The following C1GALT1 variants were observed in gnomAD, a reference collection of about 807,000 sequenced individuals.
The protein encoded by C1GALT1 is glycoprotein-N-acetylgalactosamine 3-beta-galactosyltransferase 1.
Under a neutral mutation model 31.0 loss-of-function variants are expected in C1GALT1, and 11 were observed. The observed-to-expected ratio is 0.36, with a 90% CI of 0.22 to 0.59. The LOEUF (loss-of-function observed/expected upper bound fraction) is 0.59, where lower values mean the gene tolerates loss of function less well. Among genes scored for constraint, C1GALT1 ranks in the 20% least tolerant of loss-of-function variants. C1GALT1 has a pLI of 0.79. For synonymous variants in C1GALT1, 175 were observed against 143.6 expected (o/e 1.22, Z -1.56); for missense variants, 424 against 425.2 (o/e 1.00, Z 0.03).
At position 7,212,472 on chromosome 7, in the gene C1GALT1, A is replaced by G. The variant is rs532058172; in HGVS notation, c.-17-21831A>G. ...AACAACTATATTGCCATAAGTTAAG[A>G]GTAATTACAGTTAGTCTCCAAATTA... On this transcript the variant is annotated intron_variant, in intron 1 of 3. Transcript: ENST00000436587. 4.6e-5 allele frequency among the ~76,000 whole-genome samples: 7 copies of G among 152,318 alleles called. No homozygotes were observed. The South Asian group carries it at 1.4e-3, about 32-fold the overall frequency.
At chr7:7,224,766 C>A (rs1195302756) in intron 1 of C1GALT1, among the ~76,000 whole-genome samples, 1 of 152,092 alleles carries the variant, frequency 6.6e-6, no homozygotes, top group Non-Finnish European at 1.5e-5. Context: ...AAAGAACCAG[C>A]TCTTTTTTTT....
intron 1 of C1GALT1, among the ~76,000 whole-genome samples, chr7:7,201,608 A>G (rs537690317): frequency 6.6e-6 from 1 of 152,282 alleles, no homozygotes; most frequent in African/African-American, 2.4e-5. Flanking sequence ...AGCGGGGGAA[A>G]GCCGGCAGTA....
chr7:7,199,228 T>A (rs944882786), intron 1 of C1GALT1, among the ~76,000 whole-genome samples: 2 of 152,224 alleles, frequency 1.3e-5, no homozygotes, highest in African/African-American at 4.8e-5. Context: ...GAGATTCTGG[T>A]ATGTTGTGTC....
chr7:7,226,233 A>C (rs1325872871), intron 1 of C1GALT1, among the ~76,000 whole-genome samples: 4 of 116,376 alleles, frequency 3.4e-5, no homozygotes, highest in Admixed American at 8.2e-5. Flanking sequence ...ATGTATCAAA[A>C]ATTATTTTAA....
intron 1 of C1GALT1, among the ~76,000 whole-genome samples, chr7:7,214,722 C>G (rs1465502065): frequency 6.6e-6 from 1 of 152,222 alleles, no homozygotes; most frequent in Non-Finnish European, 1.5e-5. Context: ...AGCCCCCAAG[C>G]TGTCCTTGCC....
chr7:7,165,822 T>A (rs1780386176), intron 2 of C1GALT1, among the ~76,000 whole-genome samples: 1 of 152,134 alleles, frequency 6.6e-6, no homozygotes, highest in African/African-American at 2.4e-5. Context: ...CCACACCTAA[T>A]GTTATGTGAT....
At chr7:7,189,502 T>A (rs1193266905) in intron 1 of C1GALT1, among the ~76,000 whole-genome samples, 1 of 146,990 alleles carries the variant, frequency 6.8e-6, no homozygotes, top group African/African-American at 2.5e-5. Flanking sequence ...TGATTTACCT[T>A]TGTGAGTGAA....
At chr7:7,214,389 G>A (rs55917630) in intron 1 of C1GALT1, among the ~76,000 whole-genome samples, 20,901 of 152,068 alleles carry the variant, frequency 0.14, 1,637 homozygotes, top group East Asian at 0.37. Context: ...TAATTCAGTC[G>A]ACTGAGGAGA....
chr7:7,236,804 C>CT (rs1194712296), intron 2 of C1GALT1, among the ~76,000 whole-genome samples: 11 of 152,172 alleles, frequency 7.2e-5, no homozygotes, highest in African/African-American at 2.6e-4. Context: ...GATTACAGGC[C>CT]TGAGCCACTG....
intron 2 of C1GALT1, among the ~76,000 whole-genome samples, chr7:7,158,290 ACT>A (rs2128226080): frequency 6.6e-6 from 1 of 152,114 alleles, no homozygotes; most frequent in South Asian, 2.1e-4. Context: ...TCTATACCTG[ACT>A]CTGTTCTGTC....
intron 1 of C1GALT1, among the ~76,000 whole-genome samples, chr7:7,194,552 T>TA (rs1268938350): frequency 1.3e-5 from 2 of 152,334 alleles, no homozygotes; most frequent in East Asian, 3.9e-4. Context: ...ATCTTTCTGA[T>TA]ATGCTGTTGG....
At chr7:7,219,129 C>A (rs908007029) in intron 1 of C1GALT1, among the ~76,000 whole-genome samples, 1 of 152,156 alleles carries the variant, frequency 6.6e-6, no homozygotes, top group African/African-American at 2.4e-5. Context: ...TGAGCCACTG[C>A]GCCTGGCATG....
rs1398551157 is a variant in C1GALT1, at chr7:7,227,274, T to A, written c.-17-7029T>A. ...ATATTTGTCCCCTCTAAAACTCATG[T>A]TGAAATTTAATTCCCAGTTTGGCAA... is the stretch of plus-strand genomic sequence containing the variant. On this transcript the variant is annotated intron_variant, in intron 1 of 3. Coordinates refer to ENST00000436587, the MANE Select transcript of C1GALT1 (RefSeq NM_020156.5). Among the ~76,000 whole-genome samples, 3 of 152,202 alleles carry A rather than the reference T, an allele frequency of 2.0e-5. No individual in the cohort carries two copies. In the East Asian group the frequency reaches 5.8e-4, roughly 29 times the overall value.
rs1783731308 is a variant in C1GALT1, at chr7:7,243,709, G to C, written c.1074G>C (p.Val358=). 6.2e-7 allele frequency: 1 copy of C among 1,603,404 alleles called. No individual in the cohort carries two copies. The highest frequency in any genetic ancestry group is 8.5e-7 in the Non-Finnish European group (1 of 1,176,108). The change falls in exon 4 of 4, where the codon GTG becomes GTC. Residue 358 remains valine, a synonymous_variant. Transcript: ENST00000436587. ...SQANKNEDTK[V]KLGNP ...CAAACAAAAATGAAGATACAAAAGTGAAGTTAGGAAATCCTTGAAAGAAAA... is the reference window on the plus strand; with the variant it reads ...CAAACAAAAATGAAGATACAAAAGTCAAGTTAGGAAATCCTTGAAAGAAAA...
chr7:7,190,421 G>A (rs74752588), intron 1 of C1GALT1, among the ~76,000 whole-genome samples: 5,011 of 152,190 alleles, frequency 0.033, 186 homozygotes, highest in African/African-American at 0.091. Context: ...CCATCAGTGC[G>A]AGAGTGGGAT....
chr7:7,186,005 C>G (rs897573675), intron 1 of C1GALT1, among the ~76,000 whole-genome samples: 8 of 152,016 alleles, frequency 5.3e-5, no homozygotes, highest in African/African-American at 1.9e-4. Context: ...AAATTTATTC[C>G]TTACAGTTAG....
chr7:7,179,480 AAAG>A (rs1331768109), upstream of C1GALT1, among the ~76,000 whole-genome samples: 1 of 152,232 alleles, frequency 6.6e-6, no homozygotes, highest in Non-Finnish European at 1.5e-5. Flanking sequence ...TAAGTCTATT[AAAG>A]AAGACAATGT....
chr7:7,171,656 C>A (rs1039437213), intron 2 of C1GALT1, among the ~76,000 whole-genome samples: 2 of 152,016 alleles, frequency 1.3e-5, no homozygotes, highest in Non-Finnish European at 2.9e-5. Flanking sequence ...TTTTTCCTCT[C>A]TTATTTTCTC....
At chr7:7,202,746 C>T (rs993647045) in intron 1 of C1GALT1, among the ~76,000 whole-genome samples, 2 of 152,250 alleles carry the variant, frequency 1.3e-5, no homozygotes, top group East Asian at 3.9e-4. Context: ...ATGGATTTTT[C>T]TCTTTCTGCA....
Sources: allele counts gnomAD v4.1 joint callset (sites outside exome capture counted in the v4.1 genomes callset), GRCh38; gene constraint gnomAD v4.1.1; transcripts MANE v1.5; gene names NCBI Gene and HGNC (gene_info 2026-07-23, HGNC 2026-07-21).